SH2B3: variants seen among roughly 807,000 people sequenced by gnomAD.
The protein encoded by SH2B3 is SH2B adaptor protein 3, also known as SH2B adapter protein 3.
Under a neutral mutation model 51.9 loss-of-function variants are expected in SH2B3, and 43 were observed. The observed-to-expected ratio is 0.83, with a 90% CI of 0.65 to 1.07. The LOEUF (loss-of-function observed/expected upper bound fraction) is 1.07. Ranked by LOEUF, SH2B3 falls within the 50% of genes least tolerant of loss-of-function variation. The pLI, the probability that SH2B3 is intolerant of heterozygous loss-of-function variation, is 0.00. For synonymous variants in SH2B3, 396 were observed against 376.0 expected (o/e 1.05, Z -0.62); for missense variants, 952 against 834.3 (o/e 1.14, Z -1.74).
At chr12:111,439,383 A>G (rs529774172) in intron 2 of SH2B3, among the ~76,000 whole-genome samples, 1 of 152,228 alleles carries the variant, frequency 6.6e-6, no homozygotes, top group South Asian at 2.1e-4. Flanking sequence ...TCCTGACCTC[A>G]GGTGATCTGC....
Position 111,418,019 on chromosome 12 carries a change from C to G in SH2B3, c.-27-100C>G. Reference sequence around the variant, plus strand: ...CTTCACCAGCACTGGGTGTTATGGTCGCGTTGGATTTCTGCTGTGGTGCCC... The same window carrying G: ...CTTCACCAGCACTGGGTGTTATGGTGGCGTTGGATTTCTGCTGTGGTGCCC... On this transcript the variant is annotated intron_variant, in intron 1 of 7. Transcript: ENST00000341259. This position sits in a 1 kb window ranked among gnomAD's most constrained non-coding sequence, Gnocchi z 6.7. The G allele has an allele frequency of 1.2e-6, 1 of 851,654 alleles. No individual in the cohort carries two copies. The highest frequency in any genetic ancestry group is 1.9e-5 in the South Asian group (1 of 52,774). The allele number at this position is 851,654 out of a possible 1,614,324, so 52.8% of individuals were successfully genotyped here. A position where few individuals can be genotyped will look rare whatever the true frequency, so the allele number is the denominator to read the frequency against.
rs759758469 is a variant in SH2B3 at position 111,418,151 on chromosome 12, C to G, written c.6C>G (p.Asn2Lys). The change falls in exon 2 of 8, where the codon AAC becomes AAG. Residue 2 changes from asparagine to lysine, a missense_variant. By Grantham distance (94) the Asn-to-Lys change is moderately conservative (BLOSUM62 0). Coordinates refer to ENST00000341259, the MANE Select transcript of SH2B3 (RefSeq NM_005475.3). This position sits in a 1 kb window ranked among gnomAD's most constrained non-coding sequence, Gnocchi z 6.7. Reference sequence around the variant, plus strand: ...GCACCACCTGGGTCTCCGCCATGAACGGGCCTGCCCTGCAGCCCTCCTCGC... The same window carrying G: ...GCACCACCTGGGTCTCCGCCATGAAGGGGCCTGCCCTGCAGCCCTCCTCGC... M[N>K]GPALQPSSPS... 6 of 1,508,024 alleles carry G rather than the reference C, an allele frequency of 4.0e-6. No homozygotes were observed. The Admixed American group carries it at 8.8e-5, about 22-fold the overall frequency. The allele number at this position is 1,508,024 out of a possible 1,614,324, so 93.4% of individuals were successfully genotyped here.
At chr12:111,432,139 C>A (rs757101930) in intron 2 of SH2B3, among the ~76,000 whole-genome samples, 1 of 149,812 alleles carries the variant, frequency 6.7e-6, no homozygotes, top group Admixed American at 6.7e-5. Flanking sequence ...TTTTTTTCCA[C>A]CTCCTAGGTT....
At chr12:111,422,774 C>T (rs1021656216) in intron 2 of SH2B3, among the ~76,000 whole-genome samples, 1 of 152,024 alleles carries the variant, frequency 6.6e-6, no homozygotes, top group Non-Finnish European at 1.5e-5. Flanking sequence ...GTTGGCCAGG[C>T]TGGTCTTGAA....
In SH2B3 at chr12:111,448,158, G is replaced by A. The variant is rs1380277786; in HGVS notation, c.1584G>A (p.Leu528=). The change falls in exon 8 of 8, where the codon CTG becomes CTA. Residue 528 remains leucine, a synonymous_variant. Transcript: ENST00000341259. The stretch of plus-strand genomic sequence containing the variant: ...CACCCCCCGAGCAGATCTTCCACCT[G>A]GTGCCTTCGCCCGAAGAACTGGCCA... ...RSSPPEQIFH[L]VPSPEELANS... 1 of 1,614,008 alleles carries A rather than the reference G, an allele frequency of 6.2e-7. No individual in the cohort carries two copies. The highest frequency in any genetic ancestry group is 8.5e-7 in the Non-Finnish European group (1 of 1,180,012).
upstream of SH2B3, among the ~76,000 whole-genome samples, chr12:111,405,012 C>T (rs934207036): frequency 2.0e-5 from 3 of 152,162 alleles, no homozygotes; most frequent in African/African-American, 2.4e-5. The surrounding 1 kb of genome is among the most constrained non-coding windows in gnomAD (Gnocchi z 5.4). Context: ...GTACATTCCT[C>T]CCTCCCCGCC....
At chr12:111,441,197 G>C (rs922506359) in intron 2 of SH2B3, among the ~76,000 whole-genome samples, 4 of 151,872 alleles carry the variant, frequency 2.6e-5, no homozygotes, top group African/African-American at 9.7e-5. Context: ...ACAACATAGC[G>C]AGATCCTATC....
In SH2B3 at chr12:111,451,430, T is replaced by C. The variant is rs1874580345; in HGVS notation, c.*3128T>C. 1 of 152,608 alleles carries C rather than the reference T, an allele frequency of 6.6e-6. No individual in the cohort carries two copies. The highest frequency in any genetic ancestry group is 2.1e-4 in the South Asian group (1 of 4,834). The allele number at this position is 152,608 out of a possible 1,614,324, so 9.5% of individuals were successfully genotyped here. A position where few individuals can be genotyped will look rare whatever the true frequency, so the allele number is the denominator to read the frequency against. On this transcript the variant is annotated 3_prime_UTR_variant, in exon 8 of 8. Coordinates refer to ENST00000341259, the MANE Select transcript of SH2B3 (RefSeq NM_005475.3). The stretch of plus-strand genomic sequence containing the variant: ...TAACAAGGACACATCTGACATCCTG[T>C]GTTTGGTTAGAATATACAGCACATT...
rs931730340 is a variant in SH2B3 at position 111,449,446 on chromosome 12, A to G, written c.*1144A>G. ...TGAGAAACTCCTTTAATAGCCCACAATCAGTGTTCTGTTCTAGCTGGCTAC... is the reference window on the plus strand; with the variant it reads ...TGAGAAACTCCTTTAATAGCCCACAGTCAGTGTTCTGTTCTAGCTGGCTAC... On this transcript the variant is annotated 3_prime_UTR_variant, in exon 8 of 8. Coordinates refer to ENST00000341259, the MANE Select transcript of SH2B3 (RefSeq NM_005475.3). 1.3e-5 allele frequency: 2 copies of G among 152,214 alleles called. No homozygotes were observed. The highest frequency in any genetic ancestry group is 6.5e-5 in the Admixed American group (1 of 15,284). 9.4% of individuals were successfully genotyped at this position (152,214 alleles called of 1,614,324 possible). A position where few individuals can be genotyped will look rare whatever the true frequency, so the allele number is the denominator to read the frequency against.
In SH2B3 at chr12:111,418,640, C is replaced by CCCCGGAGA; in HGVS notation, c.496_503dup (p.Glu168AspfsTer32). The CCCCGGAGA allele has an allele frequency of 6.8e-7, 1 of 1,476,172 alleles. No individual in the cohort carries two copies. The highest frequency in any genetic ancestry group is 8.9e-7 in the Non-Finnish European group (1 of 1,122,966). 91.4% of individuals were successfully genotyped at this position (1,476,172 alleles called of 1,614,324 possible). On this transcript the variant is annotated frameshift_variant, in exon 2 of 8. Coordinates refer to ENST00000341259, the MANE Select transcript of SH2B3 (RefSeq NM_005475.3). LOFTEE classifies it high-confidence loss of function. This position sits in a 1 kb window ranked among gnomAD's most constrained non-coding sequence, Gnocchi z 6.7. The stretch of plus-strand genomic sequence containing the variant: ...CCCACACCGCTGCCGCCCCCGGGAC[C>CCCCGGAGA]CCCGGAGAGGCTGCTGAGACCCCCG...
intron 2 of SH2B3, chr12:111,444,836 G>A: frequency 3.0e-6 from 3 of 985,692 alleles, no homozygotes; most frequent in Non-Finnish European, 3.6e-6. Flanking sequence ...GGAGCCTCTG[G>A]CATAGGACAC....
chr12:111,413,148 C>T (rs1485082396), intron 1 of SH2B3, among the ~76,000 whole-genome samples: 2 of 152,162 alleles, frequency 1.3e-5, no homozygotes, highest in Admixed American at 1.3e-4. Flanking sequence ...TTTCAGCTTC[C>T]CCATCTGTAA....
rs539284730 is a variant in SH2B3 at position 111,418,874 on chromosome 12, C to T, written c.729C>T (p.Pro243=). Residue 243 remains proline (P), a synonymous_variant, in exon 2 of 8, where the codon CCC becomes CCT. Coordinates refer to ENST00000341259, the MANE Select transcript of SH2B3 (RefSeq NM_005475.3). The surrounding 1 kb of genome is among the most constrained non-coding windows in gnomAD (Gnocchi z 6.7). ...PDRVLELFDP[P]KSSRPKLQAA... ...GCGTGCTGGAGCTCTTCGACCCACC[C>T]AAGGTAAGTAAGCCCTGCCCGCGGG... 3.4e-4 allele frequency: 481 copies of T among 1,406,358 alleles called. No homozygotes were observed. In the African/African-American group the frequency reaches 6.8e-3, roughly 20 times the overall value. The allele number at this position is 1,406,358 out of a possible 1,614,324, so 87.1% of individuals were successfully genotyped here.
Position 111,447,008 on chromosome 12 carries a change from G to A in SH2B3, c.901G>A (p.Glu301Lys), listed in dbSNP as rs374278232. 61 of 1,613,892 alleles carry A rather than the reference G, an allele frequency of 3.8e-5. No homozygotes were observed. Among genetic ancestry groups the A allele is most frequent in the Non-Finnish European group, 4.8e-5 (57 of 1,179,940 alleles). Residue 301 changes from glutamate to lysine, a missense_variant, in exon 4 of 8, where the codon GAG becomes AAG. Transcript: ENST00000341259. ...DEQQLNSWMA[E>K]LSECTGRGLE... is the part of the protein sequence containing the mutation. ...GCAGCAGCTGAATTCATGGATGGCT[G>A]AGCTCTCGGAGTGCACAGGCCGAGG...
chr12:111,450,365 G>A lies in SH2B3; in HGVS notation c.*2063G>A, dbSNP rs1874462920. 6.6e-6 allele frequency: 1 copy of A among 152,216 alleles called. No homozygotes were observed. 9.4% of individuals were successfully genotyped at this position (152,216 alleles called of 1,614,324 possible). On this transcript the variant is annotated 3_prime_UTR_variant, in exon 8 of 8. Coordinates refer to ENST00000341259, the MANE Select transcript of SH2B3 (RefSeq NM_005475.3). ...AAGCAGCTTTCTCTGGAAAATGAAT[G>A]CTAATTAGTGTGAACCAAAAGAGTA...
intron 2 of SH2B3, among the ~76,000 whole-genome samples, chr12:111,426,129 C>G (rs1470148087): frequency 1.3e-5 from 2 of 152,162 alleles, no homozygotes; most frequent in Non-Finnish European, 2.9e-5. Context: ...CCCAGCAAGG[C>G]CTGCTTGCTC....
chr12:111,408,074 A>T lies in SH2B3; in HGVS notation c.-28+1797A>T, dbSNP rs142889436. Among the ~76,000 whole-genome samples the T allele has an allele frequency of 4.9e-3, 743 of 152,126 alleles. 5 individuals carry two copies. Among genetic ancestry groups the T allele is most frequent in the African/African-American group, 0.013 (550 of 41,466 alleles). On this transcript the variant is annotated intron_variant, in intron 1 of 7. Coordinates refer to ENST00000341259, the MANE Select transcript of SH2B3 (RefSeq NM_005475.3). ...CATTGCCTTCATTAGTGTTACTGTT[A>T]TTGGCTATGAGGTGTTCCTTCAGTA...
chr12:111,419,068 T>G (rs1472397269), intron 2 of SH2B3, among the ~76,000 whole-genome samples, 191 bp downstream of exon 2: 2 of 152,176 alleles, frequency 1.3e-5, no homozygotes, highest in Admixed American at 1.3e-4. Context: ...CCCAGCACTT[T>G]GGGAGGCCGA....
chr12:111,430,986 A>G (rs1872434650), intron 2 of SH2B3, among the ~76,000 whole-genome samples: 1 of 137,016 alleles, frequency 7.3e-6, no homozygotes, highest in Non-Finnish European at 1.6e-5. Context: ...AAGGAAACTG[A>G]TTGCGCTAGA....
Sources: allele counts gnomAD v4.1 joint callset (sites outside exome capture counted in the v4.1 genomes callset), GRCh38; gene constraint gnomAD v4.1.1; non-coding constraint Gnocchi (gnomAD v3.1); transcripts MANE v1.5; gene names NCBI Gene and HGNC (gene_info 2026-07-23, HGNC 2026-07-21).